ANKFN1: variants seen among roughly 807,000 people sequenced by gnomAD.
ANKFN1 encodes ankyrin repeat and fibronectin type-III domain-containing protein 1.
In ANKFN1, 74 loss-of-function variants were observed where a neutral mutation model predicts 108.7. That is an observed-to-expected ratio of 0.68 (90% CI 0.56 to 0.83). The LOEUF (loss-of-function observed/expected upper bound fraction) is 0.83, where lower values mean the gene tolerates loss of function less well. Ranked by LOEUF, ANKFN1 falls within the 40% of genes least tolerant of loss-of-function variation. The pLI is 0.00. For synonymous variants in ANKFN1, 547 were observed against 516.2 expected, an observed-to-expected ratio of 1.06 and a Z score of -0.81; for missense variants, 1,505 against 1,382.3, an observed-to-expected ratio of 1.09 and a Z score of -1.41.
intron 3 of ANKFN1, among the ~76,000 whole-genome samples, chr17:56,255,097 A>G (rs930122611): frequency 6.6e-6 from 1 of 152,216 alleles, no homozygotes; most frequent in East Asian, 1.9e-4. Flanking sequence ...TAGCCATGGA[A>G]GGAATTCCTC....
chr17:56,288,458 CTCTT>C (rs2044275103), intron 3 of ANKFN1, among the ~76,000 whole-genome samples: 2 of 151,786 alleles, frequency 1.3e-5, no homozygotes, highest in South Asian at 2.1e-4. Flanking sequence ...ACGTGAATGT[CTCTT>C]TATTTTTTTG....
chr17:56,430,735 C>T (rs534275454), intron 8 of ANKFN1, among the ~76,000 whole-genome samples: 1 of 152,300 alleles, frequency 6.6e-6, no homozygotes, highest in Admixed American at 6.5e-5. Flanking sequence ...CATATGCTAG[C>T]TGCTGAGGAC....
chr17:56,251,481 G>A (rs985222487), intron 3 of ANKFN1, among the ~76,000 whole-genome samples: 1 of 152,180 alleles, frequency 6.6e-6, no homozygotes, highest in Non-Finnish European at 1.5e-5. Flanking sequence ...GCCTCTGTTT[G>A]GGGCAGGTTT....
At chr17:56,204,200 C>A (rs566634739) in intron 1 of ANKFN1, among the ~76,000 whole-genome samples, 5 of 152,304 alleles carry the variant, frequency 3.3e-5, no homozygotes, top group Non-Finnish European at 5.9e-5. Flanking sequence ...GTGCCCGCCA[C>A]CACACCTGGC....
At chr17:56,237,200 A>C (rs1409862935) in intron 3 of ANKFN1, among the ~76,000 whole-genome samples, 1 of 152,166 alleles carries the variant, frequency 6.6e-6, no homozygotes, top group African/African-American at 2.4e-5. Flanking sequence ...ATGTTCATAA[A>C]GGATATTGGC....
At chr17:56,277,563 G>A (rs771757479) in intron 3 of ANKFN1, among the ~76,000 whole-genome samples, 19 of 151,992 alleles carry the variant, frequency 1.3e-4, no homozygotes, top group Non-Finnish European at 2.1e-4. Context: ...GTCAGTATTT[G>A]TGTTCCCATT....
chr17:56,169,974 G>C (rs759183315), intron 1 of ANKFN1, among the ~76,000 whole-genome samples: 2 of 152,172 alleles, frequency 1.3e-5, no homozygotes, highest in Non-Finnish European at 2.9e-5. Context: ...AACAGACAGA[G>C]GCCCTGATCA....
At chr17:56,389,654 A>G (rs907998208) in intron 8 of ANKFN1, among the ~76,000 whole-genome samples, 1 of 152,234 alleles carries the variant, frequency 6.6e-6, no homozygotes, top group African/African-American at 2.4e-5. Flanking sequence ...AGTTAGCTAG[A>G]GACAAACACA....
intron 4 of ANKFN1, among the ~76,000 whole-genome samples, chr17:56,081,334 GTTTATTTA>G: frequency 1.4e-5 from 1 of 71,028 alleles, no homozygotes; most frequent in Admixed American, 1.2e-4. Flanking sequence ...GGTTTTATTT[GTTTATTTA>G]TTTATTTATT....
intron 4 of ANKFN1, among the ~76,000 whole-genome samples, chr17:56,332,114 C>T (rs941966659): frequency 2.0e-5 from 3 of 152,074 alleles, no homozygotes; most frequent in Admixed American, 6.6e-5. Context: ...ACAAGCAAAG[C>T]GAAGGCCTCC....
intron 1 of ANKFN1, among the ~76,000 whole-genome samples, chr17:56,209,424 G>A (rs1031068774): frequency 6.6e-6 from 1 of 152,108 alleles, no homozygotes; most frequent in African/African-American, 2.4e-5. Context: ...CAGCACTAGG[G>A]TAAACTTACT....
chr17:56,370,601 T>G (rs76122700), intron 6 of ANKFN1, among the ~76,000 whole-genome samples: 2,480 of 151,994 alleles, frequency 0.016, 48 homozygotes, highest in East Asian at 0.091. Context: ...TAATTTGGAG[T>G]GGAAGAAGGA....
chr17:56,327,226 T>G (rs1040675355), intron 4 of ANKFN1, among the ~76,000 whole-genome samples: 1 of 152,150 alleles, frequency 6.6e-6, no homozygotes, highest in Non-Finnish European at 1.5e-5. Context: ...AGAAAGTGAA[T>G]GTAGAAAGAT....
At chr17:56,424,757 G>A (rs1220171856) in intron 8 of ANKFN1, among the ~76,000 whole-genome samples, 1 of 152,170 alleles carries the variant, frequency 6.6e-6, no homozygotes, top group Non-Finnish European at 1.5e-5. Flanking sequence ...TTTTCTTGGG[G>A]AAATAACAGT....
At chr17:56,199,253 C>T (rs1323020087) in intron 1 of ANKFN1, among the ~76,000 whole-genome samples, 3 of 130,550 alleles carry the variant, frequency 2.3e-5, no homozygotes, top group African/African-American at 9.6e-5. Flanking sequence ...TTTTCTAGCT[C>T]GTTATTGCTG....
chr17:56,153,628 A>AT (rs1908815276), intron 1 of ANKFN1, 98 bp downstream of exon 1: 1 of 1,499,094 alleles, frequency 6.7e-7, no homozygotes, highest in African/African-American at 1.4e-5. Context: ...GGGCGAGTGA[A>AT]TTCGGGCGTT....
intron 4 of ANKFN1, among the ~76,000 whole-genome samples, chr17:56,115,870 C>T (rs1248759262): frequency 2.0e-5 from 3 of 152,194 alleles, no homozygotes; most frequent in Admixed American, 6.5e-5. Context: ...CCTGGTCCTA[C>T]AGGGGAACGG....
At chr17:56,295,324 A>T (rs933151091) in intron 3 of ANKFN1, among the ~76,000 whole-genome samples, 3 of 152,222 alleles carry the variant, frequency 2.0e-5, no homozygotes, top group Non-Finnish European at 4.4e-5. Flanking sequence ...ATTGTGGCAG[A>T]GTCTCCTTTC....
chr17:56,413,857 T>A (rs2145008222), intron 8 of ANKFN1, among the ~76,000 whole-genome samples: 1 of 152,026 alleles, frequency 6.6e-6, no homozygotes, highest in African/African-American at 2.4e-5. Context: ...GTAGCTGGGA[T>A]TACAGAGATG....
Sources: gnomAD v4.1 joint callset for allele counts (sites outside exome capture counted in the v4.1 genomes callset) on GRCh38, gnomAD v4.1.1 for gene constraint, MANE v1.5 for transcripts, NCBI Gene and HGNC (gene_info 2026-07-23, HGNC 2026-07-21) for gene names.